VAT1L: variants seen among roughly 807,000 people sequenced by gnomAD.
The protein encoded by VAT1L is putative NADPH-dependent quinone oxidoreductase VAT1L.
In VAT1L, 34 loss-of-function variants were observed where a neutral mutation model predicts 44.1. The ratio of observed to expected loss-of-function variants is 0.77; its 90% CI spans 0.59 to 1.03. The LOEUF is 1.03. Among genes scored for constraint, VAT1L ranks in the 50% least tolerant of loss-of-function variants. VAT1L has a pLI of 0.00. For synonymous variants in VAT1L, 253 were observed against 202.2 expected (o/e 1.25, Z -2.13); for missense variants, 615 against 538.8 (o/e 1.14, Z -1.40).
At chr16:77,874,674 C>G (rs937340669) in intron 4 of VAT1L, among the ~76,000 whole-genome samples, 1 of 151,978 alleles carries the variant, frequency 6.6e-6, no homozygotes, top group African/African-American at 2.4e-5. Context: ...AATTCTAGAG[C>G]CCCTTAGTGG....
intron 3 of VAT1L, among the ~76,000 whole-genome samples, chr16:77,851,567 CGCTTG>C (rs1433374658): frequency 2.0e-5 from 3 of 151,982 alleles, no homozygotes; most frequent in African/African-American, 7.3e-5. Context: ...GTGGGAGGAT[CGCTTG>C]AGACCAAGAG....
chr16:77,821,582 C>T (rs934491819), intron 2 of VAT1L, among the ~76,000 whole-genome samples: 31 of 152,098 alleles, frequency 2.0e-4, no homozygotes, highest in African/African-American at 2.9e-4. Context: ...CATGAGCCAC[C>T]GTGCCCAGCC....
intron 3 of VAT1L, among the ~76,000 whole-genome samples, chr16:77,844,677 G>C (rs895085369): frequency 6.6e-6 from 1 of 152,046 alleles, no homozygotes; most frequent in African/African-American, 2.4e-5. Context: ...TGAAAGTGCT[G>C]GGATTACAGG....
At chr16:77,972,015 G>A (rs554116454) in intron 8 of VAT1L, 82 bp downstream of exon 8, 2 of 1,378,482 alleles carry the variant, frequency 1.5e-6, no homozygotes, top group East Asian at 2.3e-5. Flanking sequence ...GGGTGGGGTA[G>A]AAGGAAGTAC....
chr16:77,943,588 G>C (rs947179128), intron 7 of VAT1L, among the ~76,000 whole-genome samples: 4 of 151,912 alleles, frequency 2.6e-5, no homozygotes, highest in African/African-American at 7.3e-5. Context: ...ATTTTTAGTA[G>C]AGATGGGGTT....
chr16:77,877,014 C>T (rs1262642078), intron 5 of VAT1L, among the ~76,000 whole-genome samples: 2 of 152,070 alleles, frequency 1.3e-5, no homozygotes, highest in East Asian at 2.0e-4. Flanking sequence ...CTGAGCGTCC[C>T]ACTCTTAAGA....
At chr16:77,951,587 G>C (rs1279964241) in intron 7 of VAT1L, among the ~76,000 whole-genome samples, 1 of 152,106 alleles carries the variant, frequency 6.6e-6, no homozygotes, top group Non-Finnish European at 1.5e-5. Context: ...ATGAGTGCGT[G>C]TATATTCTTT....
intron 7 of VAT1L, among the ~76,000 whole-genome samples, chr16:77,942,815 G>C (rs1002485221): frequency 2.6e-5 from 4 of 152,058 alleles, no homozygotes; most frequent in African/African-American, 9.7e-5. Context: ...CACAATCTGA[G>C]CTCACTGCAA....
intron 7 of VAT1L, among the ~76,000 whole-genome samples, chr16:77,887,348 G>A (rs1171264681): frequency 6.6e-6 from 1 of 152,190 alleles, no homozygotes; most frequent in Non-Finnish European, 1.5e-5. Context: ...TCCCAAGGGT[G>A]TTATCCATCA....
intron 7 of VAT1L, among the ~76,000 whole-genome samples, chr16:77,910,123 A>AAT (rs1340637284): frequency 2.0e-5 from 3 of 152,242 alleles, no homozygotes; most frequent in African/African-American, 7.2e-5. Flanking sequence ...CATAAGGGAA[A>AAT]AAGGCATCCC....
intron 8 of VAT1L, among the ~76,000 whole-genome samples, chr16:77,976,162 G>T (rs1454144670): frequency 6.6e-6 from 1 of 152,174 alleles, no homozygotes; most frequent in East Asian, 1.9e-4. Flanking sequence ...GAAAACTGCA[G>T]AGACATGGTC....
intron 7 of VAT1L, among the ~76,000 whole-genome samples, chr16:77,896,614 A>G (rs2017327490): frequency 6.6e-6 from 1 of 152,206 alleles, no homozygotes; most frequent in South Asian, 2.1e-4. Flanking sequence ...GGAGGAGAAC[A>G]CAGGATATGC....
intron 7 of VAT1L, among the ~76,000 whole-genome samples, chr16:77,925,979 G>C: frequency 6.6e-6 from 1 of 152,120 alleles, no homozygotes; most frequent in Middle Eastern, 3.4e-3. Flanking sequence ...AATAGGAGTC[G>C]GGGCCGGGTG....
At chr16:77,940,488 C>A (rs1456590878) in intron 7 of VAT1L, among the ~76,000 whole-genome samples, 1 of 151,874 alleles carries the variant, frequency 6.6e-6, no homozygotes, top group African/African-American at 2.4e-5. Context: ...GGATTACAGG[C>A]ACGTGCTACC....
intron 7 of VAT1L, among the ~76,000 whole-genome samples, chr16:77,889,526 A>G (rs915463645): frequency 6.6e-6 from 1 of 152,330 alleles, no homozygotes; most frequent in Non-Finnish European, 1.5e-5. Flanking sequence ...AGTCTACAGA[A>G]GTCCTAGACA....
chr16:77,841,385 TA>T (rs1293415303), intron 3 of VAT1L, among the ~76,000 whole-genome samples: 5 of 152,158 alleles, frequency 3.3e-5, no homozygotes, highest in Admixed American at 3.3e-4. Flanking sequence ...ACCTGGCCAA[TA>T]ACACATTTTT....
At chr16:77,913,346 CT>C (rs141237139) in intron 7 of VAT1L, among the ~76,000 whole-genome samples, 9,267 of 152,086 alleles carry the variant, frequency 0.061, 342 homozygotes, top group East Asian at 0.12. Flanking sequence ...GTTGTCTATG[CT>C]TTTTGTCTCT....
At chr16:77,803,534 C>G (rs1037598086) in intron 1 of VAT1L, among the ~76,000 whole-genome samples, 5 of 151,504 alleles carry the variant, frequency 3.3e-5, no homozygotes, top group African/African-American at 4.9e-5. Flanking sequence ...ATTCTCCTGC[C>G]TCAGTCTCCA....
chr16:77,864,425 T>C (rs2142444247), intron 4 of VAT1L, among the ~76,000 whole-genome samples: 1 of 151,342 alleles, frequency 6.6e-6, no homozygotes, highest in East Asian at 1.9e-4. Context: ...AAGCTCGATC[T>C]CTACCTGTGC....
Sources: allele counts gnomAD v4.1 joint callset (sites outside exome capture counted in the v4.1 genomes callset), GRCh38; gene constraint gnomAD v4.1.1; transcripts MANE v1.5; gene names NCBI Gene and HGNC (gene_info 2026-07-23, HGNC 2026-07-21).